The following MTUS2 variants were observed in gnomAD, a reference collection of about 807,000 sequenced individuals.
The protein encoded by MTUS2 is microtubule-associated tumor suppressor candidate 2.
A neutral mutation model predicts 114.1 loss-of-function variants in MTUS2; 40 were observed. That is an observed-to-expected ratio of 0.35 (90% confidence interval 0.27 to 0.46). The LOEUF (loss-of-function observed/expected upper bound fraction) is 0.46. Ranked by LOEUF, MTUS2 falls within the 20% of genes least tolerant of loss-of-function variation. The pLI is 1.00. For missense variants in MTUS2, 1,679 were observed against 1,705.4 expected (o/e 0.98, Z 0.27); for synonymous variants, 688 against 672.0 (o/e 1.02, Z -0.37).
At chr13:29,399,998 T>G (rs1002141854) in intron 8 of MTUS2, among the ~76,000 whole-genome samples, 1 of 152,106 alleles carries the variant, frequency 6.6e-6, no homozygotes, top group East Asian at 1.9e-4. Flanking sequence ...AAAAGGAGTA[T>G]CTACAAAAGG....
At chr13:29,482,519 T>G (rs1386352935) in intron 10 of MTUS2, 2 of 152,202 alleles carry the variant, frequency 1.3e-5, no homozygotes, top group Admixed American at 1.3e-4. Context: ...CAAAAGCCAT[T>G]TATTTATTTA....
chr13:28,967,265 A>C (rs187621888), intron 2 of MTUS2, among the ~76,000 whole-genome samples: 2 of 152,282 alleles, frequency 1.3e-5, no homozygotes, highest in Admixed American at 1.3e-4. Context: ...CTACTATATT[A>C]ATATTCCTTG....
chr13:29,485,208 C>T (rs774920453), intron 10 of MTUS2: 1 of 152,642 alleles, frequency 6.6e-6, no homozygotes, highest in African/African-American at 2.4e-5. Flanking sequence ...TTGTGCTTTC[C>T]TTGGGTCAGC....
At chr13:28,837,212 A>C (rs1414280941) in intron 1 of MTUS2, among the ~76,000 whole-genome samples, 1 of 152,196 alleles carries the variant, frequency 6.6e-6, no homozygotes, top group Admixed American at 6.5e-5. Flanking sequence ...CACAACAATC[A>C]GCCTCAGGGT....
At chr13:29,453,530 C>T (rs955985188) in intron 9 of MTUS2, among the ~76,000 whole-genome samples, 2 of 151,668 alleles carry the variant, frequency 1.3e-5, no homozygotes, top group Non-Finnish European at 2.9e-5. Context: ...GTGTAGGGAG[C>T]AAGGTACTGG....
At chr13:29,318,391 C>CTTTTTTTTTTTTTTTTTT (rs71090240) in intron 6 of MTUS2, among the ~76,000 whole-genome samples, 3 of 135,036 alleles carry the variant, frequency 2.2e-5, no homozygotes, top group African/African-American at 5.7e-5. Flanking sequence ...ATTTCTTTTT[C>CTTTTTTTTTTTTTTTTTT]TTTTTTTTTT....
chr13:29,151,775 C>T (rs557091450), intron 5 of MTUS2, among the ~76,000 whole-genome samples: 4 of 152,108 alleles, frequency 2.6e-5, no homozygotes, highest in Non-Finnish European at 5.9e-5. Context: ...AGTTTTAATG[C>T]ATGTATTGAG....
At chr13:29,333,553 T>G (rs1566136814) in intron 7 of MTUS2, among the ~76,000 whole-genome samples, 1 of 152,190 alleles carries the variant, frequency 6.6e-6, no homozygotes, top group Non-Finnish European at 1.5e-5. Flanking sequence ...TCTGAGAGAC[T>G]GTTTCTTAGG....
chr13:29,013,256 T>C (rs1309764669), intron 2 of MTUS2, among the ~76,000 whole-genome samples: 1 of 152,206 alleles, frequency 6.6e-6, no homozygotes, highest in Non-Finnish European at 1.5e-5. Context: ...TCTGTTATTT[T>C]GTAGATGGCA....
At chr13:29,056,524 A>G (rs762533490) in intron 4 of MTUS2, among the ~76,000 whole-genome samples, 7 of 152,066 alleles carry the variant, frequency 4.6e-5, no homozygotes, top group Non-Finnish European at 1.5e-5. Context: ...AGAACCTGTT[A>G]TTCATATGTT....
chr13:29,079,362 G>GT (rs575224864), intron 4 of MTUS2, among the ~76,000 whole-genome samples: 60 of 152,032 alleles, frequency 3.9e-4, no homozygotes, highest in African/African-American at 1.3e-3. Context: ...CATTCTTAGG[G>GT]TTTTTTTCTC....
intron 9 of MTUS2, among the ~76,000 whole-genome samples, chr13:29,470,712 C>T (rs1325322509): frequency 6.6e-6 from 1 of 152,216 alleles, no homozygotes; most frequent in Non-Finnish European, 1.5e-5. Flanking sequence ...GGCCACAGGC[C>T]CTGCATGATA....
intron 2 of MTUS2, among the ~76,000 whole-genome samples, chr13:28,919,899 A>G (rs1358542756): frequency 6.6e-6 from 1 of 152,170 alleles, no homozygotes; most frequent in Non-Finnish European, 1.5e-5. Context: ...CAGCTCTAGA[A>G]TTTCAGCTTT....
intron 2 of MTUS2, among the ~76,000 whole-genome samples, chr13:28,840,725 A>G (rs1485676192): frequency 1.3e-5 from 2 of 152,228 alleles, no homozygotes; most frequent in Non-Finnish European, 2.9e-5. Flanking sequence ...AACTCATGAT[A>G]GACTCTAAGG....
At chr13:28,870,519 G>T (rs1045254279) in intron 2 of MTUS2, among the ~76,000 whole-genome samples, 1 of 152,120 alleles carries the variant, frequency 6.6e-6, no homozygotes, top group African/African-American at 2.4e-5. Flanking sequence ...TACATTGACT[G>T]CCCAGGTTAT....
At chr13:29,434,075 T>A (rs1274824138) in intron 8 of MTUS2, among the ~76,000 whole-genome samples, 3 of 152,188 alleles carry the variant, frequency 2.0e-5, no homozygotes, top group Non-Finnish European at 4.4e-5. Flanking sequence ...TATTTGGAAG[T>A]CTTTGGGCTT....
In MTUS2 at chr13:29,480,179, CA is replaced by C; in HGVS notation, c.3218del (p.Lys1073ArgfsTer14). On this transcript the variant is annotated frameshift_variant, in exon 10 of 16. Coordinates refer to ENST00000612955, the MANE Select transcript of MTUS2 (RefSeq NM_001033602.4). LOFTEE classifies it high-confidence loss of function. The surrounding 1 kb of genome is among the most constrained non-coding windows in gnomAD (Gnocchi z 4.4). ...CCATACAGCAAAGTGCGAGAAACTA[CA>C]AAAGGAGAAGGAGGAGCTGGAGAGG... ...AFHTAKCEKLQKEKEELERRF... is the reference protein window; with the variant it reads ...AFHTAKCEKLXKEKEELERRF... The C allele has an allele frequency of 6.4e-7, 1 of 1,555,894 alleles. No individual in the cohort carries two copies. The highest frequency in any genetic ancestry group is 1.9e-5 in the Admixed American group (1 of 51,586).
At chr13:29,211,246 G>A (rs986651476) in intron 5 of MTUS2, among the ~76,000 whole-genome samples, 1 of 152,134 alleles carries the variant, frequency 6.6e-6, no homozygotes, top group African/African-American at 2.4e-5. Flanking sequence ...GTTGCCAGGG[G>A]ACTGGGGGAA....
At chr13:28,821,736 C>A (rs771004141) in intron 1 of MTUS2, among the ~76,000 whole-genome samples, 3 of 152,172 alleles carry the variant, frequency 2.0e-5, no homozygotes, top group Admixed American at 6.5e-5. Flanking sequence ...CATTGTGGAG[C>A]ATTGTATTGT....
Sources: gnomAD v4.1 joint callset for allele counts (sites outside exome capture counted in the v4.1 genomes callset) on GRCh38, gnomAD v4.1.1 for gene constraint, Gnocchi (gnomAD v3.1) non-coding constraint, MANE v1.5 for transcripts, NCBI Gene and HGNC (gene_info 2026-07-23, HGNC 2026-07-21) for gene names.